Variants in NARS2 observed in about 807,000 individuals in gnomAD.
The protein encoded by NARS2 is asparaginyl-tRNA synthetase.
In NARS2, 60 loss-of-function variants were observed where a neutral mutation model predicts 62.9. That is an observed-to-expected ratio of 0.95 (90% CI 0.77 to 1.18). NARS2 has a LOEUF of 1.18. NARS2 is among the 50% of genes most tolerant of loss of function. The pLI, the probability that NARS2 is intolerant of heterozygous loss-of-function variation, is 0.00. For synonymous variants in NARS2, 196 were observed against 200.0 expected (o/e 0.98, Z 0.17); for missense variants, 619 against 576.4 (o/e 1.07, Z -0.76).
At chr11:78,469,461 A>G in intron 9 of NARS2, 148 bp from the exon 10 acceptor site, 1 of 610,668 alleles carries the variant, frequency 1.6e-6, no homozygotes. Context: ...CCTATGAAAG[A>G]ATGATCTGCC....
At chr11:78,520,547 G>A (rs1861075688) in intron 6 of NARS2, among the ~76,000 whole-genome samples, 1 of 152,030 alleles carries the variant, frequency 6.6e-6, no homozygotes, top group Non-Finnish European at 1.5e-5. Context: ...TTCAGGACAC[G>A]GTTCAAGCAA....
intron 11 of NARS2, among the ~76,000 whole-genome samples, chr11:78,456,865 T>C (rs76842442): frequency 0.012 from 1,766 of 152,344 alleles, 25 homozygotes; most frequent in African/African-American, 0.041. Context: ...TTTTGCATAT[T>C]TGCTTAGATT....
intron 9 of NARS2, among the ~76,000 whole-genome samples, chr11:78,477,770 A>G (rs1244922426): frequency 6.6e-6 from 1 of 152,234 alleles, no homozygotes; most frequent in Non-Finnish European, 1.5e-5. Flanking sequence ...CCTCCTGAGA[A>G]AGAAGGAATT....
intron 13 of NARS2, among the ~76,000 whole-genome samples, chr11:78,437,414 G>A (rs994030729): frequency 6.6e-6 from 1 of 152,118 alleles, no homozygotes; most frequent in African/African-American, 2.4e-5. Flanking sequence ...CTGGAGTGAG[G>A]AGAAACCTTT....
At chr11:78,548,801 T>A (rs565674769) in intron 5 of NARS2, among the ~76,000 whole-genome samples, 71 of 150,984 alleles carry the variant, frequency 4.7e-4, no homozygotes, top group Middle Eastern at 3.4e-3. Flanking sequence ...TAAAAAAAAA[T>A]TTTTTTTTAA....
chr11:78,524,051 T>C (rs1361096767), intron 6 of NARS2, among the ~76,000 whole-genome samples: 1 of 152,110 alleles, frequency 6.6e-6, no homozygotes, highest in Non-Finnish European at 1.5e-5. Context: ...TAAATTCTCC[T>C]GAAAATTTCT....
chr11:78,519,785 C>T (rs566373452), intron 6 of NARS2, among the ~76,000 whole-genome samples: 104 of 151,936 alleles, frequency 6.8e-4, no homozygotes, highest in African/African-American at 2.5e-3. Flanking sequence ...ACTGCAACCT[C>T]CGCCTCCTGG....
chr11:78,463,149 C>G (rs975986440), intron 11 of NARS2, among the ~76,000 whole-genome samples: 1 of 152,134 alleles, frequency 6.6e-6, no homozygotes, highest in Non-Finnish European at 1.5e-5. Flanking sequence ...ACTGAAGCCT[C>G]GAGTTCCTAG....
intron 6 of NARS2, among the ~76,000 whole-genome samples, chr11:78,524,606 C>T (rs1284025341): frequency 6.6e-6 from 1 of 151,994 alleles, no homozygotes; most frequent in African/African-American, 2.4e-5. Flanking sequence ...CAATTTAAAT[C>T]TCTCTTGGAA....
intron 7 of NARS2, among the ~76,000 whole-genome samples, chr11:78,489,029 T>C (rs138471955): frequency 3.5e-4 from 54 of 152,222 alleles, no homozygotes; most frequent in African/African-American, 1.2e-3. Flanking sequence ...GCTAAAGCTA[T>C]AAAACATCAT....
chr11:78,532,780 T>C (rs778383383), intron 5 of NARS2, among the ~76,000 whole-genome samples: 3 of 152,202 alleles, frequency 2.0e-5, no homozygotes, highest in Non-Finnish European at 2.9e-5. Context: ...GCCCCATGAC[T>C]ACCAAATTGA....
intron 1 of NARS2, 130 bp downstream of exon 1, chr11:78,574,218 G>A: frequency 8.8e-7 from 1 of 1,137,380 alleles, no homozygotes. Flanking sequence ...GCAAACCCGC[G>A]ACGCCTACAC....
intron 5 of NARS2, among the ~76,000 whole-genome samples, chr11:78,556,678 A>G (rs1856366797): frequency 6.6e-6 from 1 of 152,262 alleles, no homozygotes; most frequent in Admixed American, 6.5e-5. Flanking sequence ...ATGGCAAATG[A>G]AAGTCAATTA....
chr11:78,500,986 G>T (rs1423986674), intron 6 of NARS2, among the ~76,000 whole-genome samples: 1 of 152,078 alleles, frequency 6.6e-6, no homozygotes, highest in African/African-American at 2.4e-5. Context: ...CAGCTAGCTG[G>T]GAGGCTGAAG....
intron 5 of NARS2, among the ~76,000 whole-genome samples, chr11:78,535,748 G>A (rs1315188488): frequency 6.6e-6 from 1 of 151,766 alleles, no homozygotes; most frequent in Non-Finnish European, 1.5e-5. Context: ...CTCCCAAGTA[G>A]CTGGGATTAC....
chr11:78,511,101 A>G (rs563062659), intron 6 of NARS2, among the ~76,000 whole-genome samples: 1 of 152,140 alleles, frequency 6.6e-6, no homozygotes. Context: ...TTTTTCAGAC[A>G]GGGTCTTATT....
At chr11:78,485,437 C>T (rs1191309378) in intron 7 of NARS2, among the ~76,000 whole-genome samples, 5 of 152,036 alleles carry the variant, frequency 3.3e-5, no homozygotes, top group Admixed American at 3.3e-4. Context: ...ATACAAAGAG[C>T]AACTACCTAA....
At chr11:78,497,527 TAGTTTAGTAAA>T (rs1216324776) in intron 6 of NARS2, among the ~76,000 whole-genome samples, 9 of 152,224 alleles carry the variant, frequency 5.9e-5, no homozygotes, top group South Asian at 2.1e-4. Context: ...TCTTTACTGT[TAGTTTAGTAAA>T]AGTTCATTGA....
At chr11:78,460,738 T>C (rs1858362220) in intron 11 of NARS2, among the ~76,000 whole-genome samples, 1 of 152,194 alleles carries the variant, frequency 6.6e-6, no homozygotes, top group African/African-American at 2.4e-5. Context: ...TTTGGATGTG[T>C]TGTGTTTGAG....
Sources: gnomAD v4.1 joint callset for allele counts (sites outside exome capture counted in the v4.1 genomes callset) on GRCh38, gnomAD v4.1.1 for gene constraint, MANE v1.5 for transcripts, NCBI Gene and HGNC (gene_info 2026-07-23, HGNC 2026-07-21) for gene names.